MMP16: variants seen among roughly 807,000 people sequenced by gnomAD.
MMP16 encodes matrix metallopeptidase 16, also known as matrix metalloproteinase-16.
In MMP16, 12 loss-of-function variants were observed where a neutral mutation model predicts 67.8. The observed-to-expected ratio is 0.18, with a 90% CI of 0.11 to 0.29. The LOEUF (loss-of-function observed/expected upper bound fraction) is 0.29. MMP16 is among the 10% of genes least tolerant of loss of function. MMP16 has a pLI of 1.00. For synonymous variants in MMP16, 249 were observed against 255.9 expected, an observed-to-expected ratio of 0.97 and a Z score of 0.26; for missense variants, 475 against 765.7, an observed-to-expected ratio of 0.62 and a Z score of 4.48.
chr8:88,244,323 A>G (rs947881342), intron 1 of MMP16, among the ~76,000 whole-genome samples: 12 of 152,240 alleles, frequency 7.9e-5, no homozygotes, highest in African/African-American at 2.9e-4. Context: ...AACAGGTTGC[A>G]TTACCTGCAG....
At chr8:88,153,081 A>G (rs888273989) in intron 4 of MMP16, among the ~76,000 whole-genome samples, 10 of 137,436 alleles carry the variant, frequency 7.3e-5, no homozygotes, top group Admixed American at 2.3e-4. Flanking sequence ...ACAGACAAAC[A>G]GAGAGCCAAA....
At chr8:88,219,270 C>T (rs1809640970) in intron 1 of MMP16, among the ~76,000 whole-genome samples, 1 of 151,706 alleles carries the variant, frequency 6.6e-6, no homozygotes, top group Admixed American at 6.6e-5. Flanking sequence ...GCACATCAGG[C>T]AAATCTCATG....
chr8:88,043,494 G>T (rs958650124), intron 9 of MMP16, among the ~76,000 whole-genome samples: 1 of 152,102 alleles, frequency 6.6e-6, no homozygotes, highest in African/African-American at 2.4e-5. Context: ...TGTTGGTCAG[G>T]CTAGTCTCAA....
chr8:88,237,257 A>G (rs1377079223), intron 1 of MMP16, among the ~76,000 whole-genome samples: 1 of 152,230 alleles, frequency 6.6e-6, no homozygotes, highest in Non-Finnish European at 1.5e-5. Flanking sequence ...ATAGATGCAG[A>G]AACGAAGGGA....
chr8:88,063,066 T>G (rs1808420903), intron 7 of MMP16, among the ~76,000 whole-genome samples: 1 of 152,144 alleles, frequency 6.6e-6, no homozygotes, highest in Admixed American at 6.6e-5. Flanking sequence ...GACATTGTAC[T>G]TGGCAGAATG....
intron 6 of MMP16, among the ~76,000 whole-genome samples, chr8:88,099,999 G>A (rs1342210085): frequency 1.3e-5 from 2 of 151,870 alleles, no homozygotes; most frequent in African/African-American, 2.4e-5. Flanking sequence ...CCCTTTGTCA[G>A]ATGAGTAGAT....
intron 1 of MMP16, among the ~76,000 whole-genome samples, chr8:88,220,596 C>A (rs1809666943): frequency 6.6e-6 from 1 of 151,972 alleles, no homozygotes; most frequent in Non-Finnish European, 1.5e-5. Flanking sequence ...TCTCATCAAG[C>A]CATTGATAAT....
rs530026367 is a variant in MMP16 at position 88,157,941 on chromosome 8, A to T, written c.709+9728T>A. 9.3e-5 allele frequency among the ~76,000 whole-genome samples: 14 copies of T among 150,976 alleles called. No individual in the cohort carries two copies. The South Asian group carries it at 2.5e-3, about 27-fold the overall frequency. ...GCAGTGTTTGGTTTTTTGTCCTTGC[A>T]ATAGTTTGCTGAGAAGGATGGTTTC... On this transcript the variant is annotated intron_variant, in intron 4 of 9. Coordinates refer to ENST00000286614, the MANE Select transcript of MMP16 (RefSeq NM_005941.5).
At chr8:88,199,006 C>G (rs896802963) in intron 1 of MMP16, among the ~76,000 whole-genome samples, 9 of 152,000 alleles carry the variant, frequency 5.9e-5, no homozygotes, top group African/African-American at 2.2e-4. Flanking sequence ...CGTAATGTCT[C>G]AAAATTAGAA....
At chr8:88,311,117 C>A (rs1257770657) in intron 1 of MMP16, among the ~76,000 whole-genome samples, 2 of 151,798 alleles carry the variant, frequency 1.3e-5, no homozygotes, top group East Asian at 3.9e-4. Context: ...GTGGGGATTA[C>A]CTGGTGGGGG....
intron 1 of MMP16, among the ~76,000 whole-genome samples, chr8:88,268,700 G>A (rs939617572): frequency 9.9e-5 from 15 of 152,278 alleles, no homozygotes; most frequent in Non-Finnish European, 1.6e-4. Context: ...TCAATTTTAA[G>A]CAAAGGTTTT....
At position 88,101,382 on chromosome 8, in the gene MMP16, A is replaced by C. The variant is rs143807195; in HGVS notation, c.1083+15125T>G. ...ACATGAAAAAGTTTCAGGAATCAAT[A>C]AACTTCAGCATTTCTAATAGTAACT... is the stretch of plus-strand genomic sequence containing the variant. On this transcript the variant is annotated intron_variant, in intron 6 of 9. Transcript: ENST00000286614. Among the ~76,000 whole-genome samples the C allele has an allele frequency of 8.7e-3, 1,316 of 152,074 alleles. 21 individuals are homozygous for C. The highest frequency in any genetic ancestry group is 0.029 in the South Asian group (141 of 4,830).
chr8:88,150,943 T>C (rs1808394739), intron 4 of MMP16, among the ~76,000 whole-genome samples: 1 of 135,880 alleles, frequency 7.4e-6, no homozygotes, highest in Non-Finnish European at 1.6e-5. Flanking sequence ...TCAAGACCCA[T>C]CAGTGTGCTG....
At chr8:88,195,282 C>G (rs1262091961) in intron 2 of MMP16, among the ~76,000 whole-genome samples, 1 of 152,276 alleles carries the variant, frequency 6.6e-6, no homozygotes, top group Admixed American at 6.5e-5. Context: ...TTCTAGGACT[C>G]CACTTTCTTA....
At chr8:88,283,898 C>A (rs1029977880) in intron 1 of MMP16, among the ~76,000 whole-genome samples, 1 of 152,162 alleles carries the variant, frequency 6.6e-6, no homozygotes, top group Non-Finnish European at 1.5e-5. Context: ...CTGACCAATG[C>A]CAACAAGGTG....
intron 1 of MMP16, among the ~76,000 whole-genome samples, chr8:88,197,945 C>G (rs1282271063): frequency 2.0e-5 from 3 of 152,054 alleles, no homozygotes; most frequent in African/African-American, 7.2e-5. Flanking sequence ...CACAAGTAAC[C>G]AAGTTTTTCA....
intron 5 of MMP16, among the ~76,000 whole-genome samples, chr8:88,118,350 A>G (rs531222729): frequency 2.6e-5 from 4 of 151,090 alleles, no homozygotes; most frequent in Non-Finnish European, 4.4e-5. Flanking sequence ...TGAAAGTCTT[A>G]TATTTTTCCT....
chr8:88,119,551 G>A (rs1445378114), intron 4 of MMP16, among the ~76,000 whole-genome samples: 1 of 151,976 alleles, frequency 6.6e-6, no homozygotes, highest in Non-Finnish European at 1.5e-5. Flanking sequence ...GTTTATCACT[G>A]AAAATTTCCA....
chr8:88,158,871 G>A (rs1808562292), intron 4 of MMP16, among the ~76,000 whole-genome samples: 1 of 152,160 alleles, frequency 6.6e-6, no homozygotes, highest in African/African-American at 2.4e-5. Flanking sequence ...TCCAGTTTCA[G>A]CTTTCTATAT....
Sources: gnomAD v4.1 joint callset for allele counts (sites outside exome capture counted in the v4.1 genomes callset) on GRCh38, gnomAD v4.1.1 for gene constraint, MANE v1.5 for transcripts, NCBI Gene and HGNC (gene_info 2026-07-23, HGNC 2026-07-21) for gene names.